HHIP: variants seen among roughly 807,000 people sequenced by gnomAD.
The protein encoded by HHIP is hedgehog interacting protein, also known as hedgehog-interacting protein.
A neutral mutation model predicts 74.0 loss-of-function variants in HHIP; 12 were observed. The observed-to-expected ratio is 0.16, with a 90% CI of 0.10 to 0.26. The LOEUF is 0.26. Ranked by LOEUF, HHIP falls within the 10% of genes least tolerant of loss-of-function variation. The pLI is 1.00. For synonymous variants in HHIP, 309 were observed against 311.6 expected (o/e 0.99, Z 0.09); for missense variants, 788 against 845.0 (o/e 0.93, Z 0.84).
rs35586380 is a variant in HHIP, at chr4:144,670,142, CA to C, written c.831+10315del. 2.9e-3 allele frequency among the ~76,000 whole-genome samples: 400 copies of C among 138,504 alleles called. 3 individuals are homozygous for C. The highest frequency in any genetic ancestry group is 0.01 in the African/African-American group (365 of 36,250). 90.9% of individuals were successfully genotyped at this position (138,504 alleles called of 152,430 possible). On this transcript the variant is annotated intron_variant, in intron 4 of 12. Coordinates refer to ENST00000296575, the MANE Select transcript of HHIP (RefSeq NM_022475.3). ...CTGGTGACACAGTGAGACTCCATCTCAAAAAAAAAAAGCTGAATTGGTCCCC... is the reference window on the plus strand; with the variant it reads ...CTGGTGACACAGTGAGACTCCATCTCAAAAAAAAAAGCTGAATTGGTCCCC...
In HHIP at chr4:144,646,328, G is replaced by A; in HGVS notation, c.-348G>A. The A allele has an allele frequency of 4.2e-6, 1 of 235,330 alleles. No individual in the cohort carries two copies. The highest frequency in any genetic ancestry group is 8.3e-6 in the Non-Finnish European group (1 of 121,138). 14.6% of individuals were successfully genotyped at this position (235,330 alleles called of 1,614,324 possible). ...CACGGACAAGTGAACATCTGTGGCT[G>A]TCCTCTCCTTTTCTTCCTCCTCTTC... On this transcript the variant is annotated 5_prime_UTR_variant, in exon 1 of 13. Transcript: ENST00000296575.
chr4:144,720,329 G>A (rs1335064844), intron 11 of HHIP, among the ~76,000 whole-genome samples: 3 of 152,052 alleles, frequency 2.0e-5, no homozygotes, highest in African/African-American at 7.2e-5. Context: ...TGAGGTGTAC[G>A]GATTTCACTC....
chr4:144,692,250 G>C (rs537755263), intron 4 of HHIP, among the ~76,000 whole-genome samples: 17 of 152,186 alleles, frequency 1.1e-4, no homozygotes, highest in East Asian at 3.9e-4. Context: ...CAAACAGCCT[G>C]GAAGTCACAT....
At chr4:144,684,317 G>A (rs1246206622) in intron 4 of HHIP, among the ~76,000 whole-genome samples, 1 of 117,048 alleles carries the variant, frequency 8.5e-6, no homozygotes, top group Admixed American at 1.2e-4. Context: ...GGAGTGCAGT[G>A]GCGCGATCTC....
At chr4:144,734,587 T>C (rs1731053250) in intron 11 of HHIP, among the ~76,000 whole-genome samples, 154 bp from the exon 12 acceptor site, 1 of 151,364 alleles carries the variant, frequency 6.6e-6, no homozygotes, top group Non-Finnish European at 1.5e-5. Context: ...TTTCCTATCC[T>C]TAGAAAGTTG....
At chr4:144,664,646 G>A (rs558434360) in intron 4 of HHIP, among the ~76,000 whole-genome samples, 2 of 152,232 alleles carry the variant, frequency 1.3e-5, no homozygotes, top group African/African-American at 4.8e-5. Context: ...ATACACATAT[G>A]GTGATTACTA....
intron 4 of HHIP, among the ~76,000 whole-genome samples, chr4:144,691,855 C>T (rs1269363838): frequency 1.3e-5 from 2 of 151,894 alleles, no homozygotes; most frequent in African/African-American, 4.8e-5. Flanking sequence ...AAAACAAACA[C>T]TATATCCAAT....
chr4:144,657,698 A>G (rs1482441980), intron 2 of HHIP, among the ~76,000 whole-genome samples: 3 of 152,190 alleles, frequency 2.0e-5, no homozygotes, highest in African/African-American at 4.8e-5. Flanking sequence ...TTTAATGTGT[A>G]AGAAAAGAAA....
At chr4:144,706,934 T>C (rs1390625926) in intron 5 of HHIP, among the ~76,000 whole-genome samples, 153 bp from the exon 6 acceptor site, 1 of 152,234 alleles carries the variant, frequency 6.6e-6, no homozygotes, top group Non-Finnish European at 1.5e-5. Context: ...AATGTGATTT[T>C]CCAGCAATTT....
At chr4:144,714,147 G>A in intron 8 of HHIP, 78 bp from the exon 9 acceptor site, 5 of 1,247,674 alleles carry the variant, frequency 4.0e-6, no homozygotes, top group Non-Finnish European at 5.8e-6. Context: ...AATTACTATA[G>A]TAATTGTTGT....
At chr4:144,655,479 T>C (rs1728532650) in intron 2 of HHIP, among the ~76,000 whole-genome samples, 1 of 152,184 alleles carries the variant, frequency 6.6e-6, no homozygotes, top group Admixed American at 6.5e-5. Flanking sequence ...TTCGACCTCA[T>C]CTTCTCAGCA....
rs549889910 is a variant in HHIP at position 144,724,850 on chromosome 4, G to C, written c.1760+5894G>C. ...GATACTTAGAATATCATCTTCTTTA[G>C]TAATTGGATAGATTGCTATGAAAAC... is the stretch of plus-strand genomic sequence containing the variant. On this transcript the variant is annotated intron_variant, in intron 11 of 12. Transcript: ENST00000296575. Among the ~76,000 whole-genome samples the C allele has an allele frequency of 4.6e-5, 7 of 151,404 alleles. 1 individual carries two copies. In the South Asian group the frequency reaches 1.5e-3, roughly 32 times the overall value.
At chr4:144,687,102 G>A (rs112447466) in intron 4 of HHIP, among the ~76,000 whole-genome samples, 34 of 151,978 alleles carry the variant, frequency 2.2e-4, no homozygotes, top group Non-Finnish European at 4.0e-4. Flanking sequence ...TATTCAGCCA[G>A]TCTGCTTATC....
rs777709623 is a variant in HHIP at position 144,708,267 on chromosome 4, C to A, written c.1257C>A (p.Asn419Lys). Residue 419 changes from asparagine (N) to lysine (K), a missense_variant, in exon 7 of 13, where the codon AAC (asparagine) becomes AAA (lysine). Transcript: ENST00000296575. ...GCAACCCACACTTCAACAGCACCAACCAGCCCCCCGAAGTGTTTGCTCATG... is the reference window on the plus strand; with the variant it reads ...GCAACCCACACTTCAACAGCACCAAACAGCCCCCCGAAGTGTTTGCTCATG... ...PRSNPHFNST[N>K]QPPEVFAHGL... The A allele has an allele frequency of 1.2e-6, 2 of 1,614,146 alleles. No individual in the cohort carries two copies. Among genetic ancestry groups the A allele is most frequent in the South Asian group, 1.1e-5 (1 of 91,080 alleles).
chr4:144,693,689 T>A (rs1260476674), intron 4 of HHIP, among the ~76,000 whole-genome samples: 1 of 151,970 alleles, frequency 6.6e-6, no homozygotes, highest in Non-Finnish European at 1.5e-5. Context: ...CAGATTAAAC[T>A]TTTTTAGATA....
chr4:144,713,035 A>C (rs1730346688), intron 8 of HHIP, among the ~76,000 whole-genome samples: 1 of 152,086 alleles, frequency 6.6e-6, no homozygotes. Context: ...CTACAGTCAC[A>C]TTAATTGAGG....
intron 5 of HHIP, 124 bp downstream of exon 5, chr4:144,706,806 C>A (rs1730162750): frequency 3.5e-6 from 3 of 848,940 alleles, no homozygotes; most frequent in Admixed American, 6.2e-5. Flanking sequence ...TAAATCATTA[C>A]CTCCATCTTG....
intron 11 of HHIP, among the ~76,000 whole-genome samples, chr4:144,725,416 C>G (rs1730768845): frequency 6.6e-6 from 1 of 152,140 alleles, no homozygotes; most frequent in Admixed American, 6.6e-5. Context: ...TTCCTGTGCT[C>G]TTTTATAGGA....
intron 11 of HHIP, among the ~76,000 whole-genome samples, chr4:144,730,596 T>C (rs1235264273): frequency 6.6e-6 from 1 of 152,108 alleles, no homozygotes; most frequent in African/African-American, 2.4e-5. Context: ...AATTTTCCAG[T>C]CCAATAAAAT....
Sources: gnomAD v4.1 joint callset for allele counts (sites outside exome capture counted in the v4.1 genomes callset) on GRCh38, gnomAD v4.1.1 for gene constraint, MANE v1.5 for transcripts, NCBI Gene and HGNC (gene_info 2026-07-23, HGNC 2026-07-21) for gene names.